Variants in KCTD11 observed in about 807,000 individuals in gnomAD.
The protein encoded by KCTD11 is potassium channel tetramerization domain containing 11, also known as BTB/POZ domain-containing protein KCTD11.
In KCTD11, 8 loss-of-function variants were observed where a neutral mutation model predicts 10.7. The ratio of observed to expected loss-of-function variants is 0.74; its 90% CI spans 0.44 to 1.34. The LOEUF (loss-of-function observed/expected upper bound fraction) is 1.34, where lower values mean the gene tolerates loss of function less well. KCTD11 is among the 40% of genes most tolerant of loss of function. The pLI is 0.01. For synonymous variants in KCTD11, 153 were observed against 160.8 expected, an observed-to-expected ratio of 0.95 and a Z score of 0.37; for missense variants, 346 against 356.1, an observed-to-expected ratio of 0.97 and a Z score of 0.23.
chr17:7,353,601 A>G lies in KCTD11; in HGVS notation c.776A>G (p.Asp259Gly). The G allele has an allele frequency of 2.6e-6, 4 of 1,527,884 alleles. No homozygotes were observed. Among genetic ancestry groups the G allele is most frequent in the Non-Finnish European group, 3.5e-6 (4 of 1,138,344 alleles). 94.6% of individuals were successfully genotyped at this position (1,527,884 alleles called of 1,614,324 possible). A position where few individuals can be genotyped will look rare whatever the true frequency, so the allele number is the denominator to read the frequency against. ...GACTCTGTCTTCCCCGACCCCGAAG[A>G]CCTGCTCAACTCCAGGTCTCTGCGC... Residue 259 changes from aspartate to glycine, a missense_variant, in exon 1 of 1, where the codon GAC becomes GGC. Transcript: ENST00000333751. This position sits in a 1 kb window ranked among gnomAD's most constrained non-coding sequence, Gnocchi z 4.9.
rs576257117 is a variant in KCTD11 at position 7,353,947 on chromosome 17, G to T, written c.*306G>T. On this transcript the variant is annotated 3_prime_UTR_variant, in exon 1 of 1. Transcript: ENST00000333751. This position sits in a 1 kb window ranked among gnomAD's most constrained non-coding sequence, Gnocchi z 4.9. ...CTCAGTGTTTAAGGGCTTGGAAAAGGGGGGAACATCTCTTTACCCAGACTA... is the reference window on the plus strand; with the variant it reads ...CTCAGTGTTTAAGGGCTTGGAAAAGTGGGGAACATCTCTTTACCCAGACTA... 3 of 330,456 alleles carry T rather than the reference G, an allele frequency of 9.1e-6. No homozygotes were observed. The highest frequency in any genetic ancestry group is 5.0e-5 in the East Asian group (1 of 19,812). 20.5% of individuals were successfully genotyped at this position (330,456 alleles called of 1,614,324 possible). A position where few individuals can be genotyped will look rare whatever the true frequency, so the allele number is the denominator to read the frequency against.
rs2073421802 is a variant in KCTD11 at position 7,352,407 on chromosome 17, T to C, written c.-419T>C. The C allele has an allele frequency of 6.2e-6, 1 of 161,664 alleles. No individual in the cohort carries two copies. The highest frequency in any genetic ancestry group is 1.3e-5 in the Non-Finnish European group (1 of 74,804). The allele number at this position is 161,664 out of a possible 1,614,324, so 10.0% of individuals were successfully genotyped here. ...AGGCCTCTGAGTGGCCCCAGAGCCC[T>C]GGCTGGACTCGTCCACGGCGGCAGC... On this transcript the variant is annotated 5_prime_UTR_variant, in exon 1 of 1. Transcript: ENST00000333751. The surrounding 1 kb of genome is among the most constrained non-coding windows in gnomAD (Gnocchi z 4.5).
chr17:7,352,863 T>C lies in KCTD11; in HGVS notation c.38T>C (p.Phe13Ser), dbSNP rs1047652347. Residue 13 changes from phenylalanine to serine, a missense_variant, in exon 1 of 1, where the codon TTT becomes TCT. Coordinates refer to ENST00000333751, the MANE Select transcript of KCTD11 (RefSeq NM_001363642.1). This position sits in a 1 kb window ranked among gnomAD's most constrained non-coding sequence, Gnocchi z 4.5. ...CCTGTGCCCTCTTCGCCCCCCTCCT[T>C]TGGGGGCCCCGTGACCCTGAATGTG... 1.3e-5 allele frequency: 16 copies of C among 1,241,452 alleles called. No individual in the cohort carries two copies. In the Admixed American group the frequency reaches 1.6e-4, roughly 12 times the overall value. 76.9% of individuals were successfully genotyped at this position (1,241,452 alleles called of 1,614,324 possible).
rs1597658724 is a variant in KCTD11, at chr17:7,353,444, G to A, written c.619G>A (p.Glu207Lys). Residue 207 changes from glutamate (E) to lysine (K), a missense_variant, in exon 1 of 1, where the codon GAG becomes AAG. Coordinates refer to ENST00000333751, the MANE Select transcript of KCTD11 (RefSeq NM_001363642.1). The surrounding 1 kb of genome is among the most constrained non-coding windows in gnomAD (Gnocchi z 4.9). ...GGCCCCCCGCCCCGTGGAACTCCCCGAGGTGGAGTATGGGAGACTGGGGCT... is the reference window on the plus strand; with the variant it reads ...GGCCCCCCGCCCCGTGGAACTCCCCAAGGTGGAGTATGGGAGACTGGGGCT... The A allele has an allele frequency of 1.9e-6, 3 of 1,612,408 alleles. No homozygotes were observed. The highest frequency in any genetic ancestry group is 2.5e-6 in the Non-Finnish European group (3 of 1,179,914).
chr17:7,352,345 GCCTCCATCT>G lies in KCTD11; in HGVS notation c.-477_-469del, dbSNP rs759386573. The G allele has an allele frequency of 2.1e-3, 323 of 154,718 alleles. 1 individual carries two copies. The highest frequency in any genetic ancestry group is 2.9e-3 in the Non-Finnish European group (202 of 69,836). 9.6% of individuals were successfully genotyped at this position (154,718 alleles called of 1,614,324 possible). A position where few individuals can be genotyped will look rare whatever the true frequency, so the allele number is the denominator to read the frequency against. On this transcript the variant is annotated 5_prime_UTR_variant, in exon 1 of 1. Transcript: ENST00000333751. This position sits in a 1 kb window ranked among gnomAD's most constrained non-coding sequence, Gnocchi z 4.5. ...TCCGCCATCCGCTCCCGTCAGTTCG[GCCTCCATCT>G]CCTGGGACCCGCGCCGGCAGCCAGG...
At position 7,354,912 on chromosome 17, in the gene KCTD11, GA is replaced by G. The variant is rs1192834562; in HGVS notation, c.*1273del. ...ATTTCTCACTGGTCATGATTTACAAGAAGAAAAATAAAACTGCTTTTGGAAC... is the reference window on the plus strand; with the variant it reads ...ATTTCTCACTGGTCATGATTTACAAGAGAAAAATAAAACTGCTTTTGGAAC... On this transcript the variant is annotated 3_prime_UTR_variant, in exon 1 of 1. Coordinates refer to ENST00000333751, the MANE Select transcript of KCTD11 (RefSeq NM_001363642.1). 2.4e-6 allele frequency: 1 copy of G among 420,700 alleles called. No homozygotes were observed. The highest frequency in any genetic ancestry group is 4.4e-6 in the Non-Finnish European group (1 of 227,246). The allele number at this position is 420,700 out of a possible 1,614,324, so 26.1% of individuals were successfully genotyped here.
At position 7,354,203 on chromosome 17, in the gene KCTD11, G is replaced by C. The variant is rs2073449344; in HGVS notation, c.*562G>C. ...AGGCCACAACCCACCCTAGGTTGAT[G>C]TATGGGAGCTAGGACAGTCCCCATG... On this transcript the variant is annotated 3_prime_UTR_variant, in exon 1 of 1. Coordinates refer to ENST00000333751, the MANE Select transcript of KCTD11 (RefSeq NM_001363642.1). 6.0e-6 allele frequency: 1 copy of C among 167,870 alleles called. No homozygotes were observed. Among genetic ancestry groups the C allele is most frequent in the Non-Finnish European group, 1.5e-5 (1 of 68,732 alleles). 10.4% of individuals were successfully genotyped at this position (167,870 alleles called of 1,614,324 possible). A position where few individuals can be genotyped will look rare whatever the true frequency, so the allele number is the denominator to read the frequency against.
In KCTD11 at chr17:7,353,334, C is replaced by G. The variant is rs1429936861; in HGVS notation, c.509C>G (p.Ser170Cys). The G allele has an allele frequency of 5.6e-6, 9 of 1,614,188 alleles. No homozygotes were observed. The highest frequency in any genetic ancestry group is 7.6e-6 in the Non-Finnish European group (9 of 1,180,042). The change falls in exon 1 of 1, where the codon TCT (serine) becomes TGT (cysteine). Residue 170 changes from serine (S) to cysteine (C), a missense_variant. By Grantham distance (112) the Ser-to-Cys change is moderately radical (BLOSUM62 -1). Transcript: ENST00000333751. The surrounding 1 kb of genome is among the most constrained non-coding windows in gnomAD (Gnocchi z 4.9). ...CGAGCCAACCTTTTCTGCACCGACT[C>G]TGAGTGTCTAGGTGCTTTGCGGGCC...
chr17:7,352,480 C>T lies in KCTD11; in HGVS notation c.-346C>T, dbSNP rs1445784598. The stretch of plus-strand genomic sequence containing the variant: ...CCATCCCTTCAGAGTCGGCCCTGTG[C>T]TCGCCACCGTCACCTGCTGGTTGGA... On this transcript the variant is annotated 5_prime_UTR_variant, in exon 1 of 1. Transcript: ENST00000333751. This position sits in a 1 kb window ranked among gnomAD's most constrained non-coding sequence, Gnocchi z 4.5. The T allele has an allele frequency of 9.3e-6, 2 of 213,996 alleles. No individual in the cohort carries two copies. Among genetic ancestry groups the T allele is most frequent in the Non-Finnish European group, 1.8e-5 (2 of 108,436 alleles). The allele number at this position is 213,996 out of a possible 1,614,324, so 13.3% of individuals were successfully genotyped here. A position where few individuals can be genotyped will look rare whatever the true frequency, so the allele number is the denominator to read the frequency against.
rs1312722822 is a variant in KCTD11 at position 7,353,324 on chromosome 17, T to G, written c.499T>G (p.Cys167Gly). The G allele has an allele frequency of 3.1e-6, 5 of 1,614,046 alleles. No homozygotes were observed. The African/African-American group carries it at 6.7e-5, about 22-fold the overall frequency. ...GGACACCTTCCGAGCCAACCTTTTCTGCACCGACTCTGAGTGTCTAGGTGC... is the reference window on the plus strand; with the variant it reads ...GGACACCTTCCGAGCCAACCTTTTCGGCACCGACTCTGAGTGTCTAGGTGC... Residue 167 changes from cysteine to glycine, a missense_variant, in exon 1 of 1, where the codon TGC (cysteine) becomes GGC (glycine). By Grantham distance (159) the Cys-to-Gly change is radical (BLOSUM62 -3). Transcript: ENST00000333751. This position sits in a 1 kb window ranked among gnomAD's most constrained non-coding sequence, Gnocchi z 4.9.
In KCTD11 at chr17:7,352,350, C is replaced by T. The variant is rs2073421046; in HGVS notation, c.-476C>T. 1 of 154,316 alleles carries T rather than the reference C, an allele frequency of 6.5e-6. No homozygotes were observed. The highest frequency in any genetic ancestry group is 1.4e-5 in the Non-Finnish European group (1 of 69,726). The allele number at this position is 154,316 out of a possible 1,614,324, so 9.6% of individuals were successfully genotyped here. A position where few individuals can be genotyped will look rare whatever the true frequency, so the allele number is the denominator to read the frequency against. On this transcript the variant is annotated 5_prime_UTR_variant, in exon 1 of 1. Transcript: ENST00000333751. This position sits in a 1 kb window ranked among gnomAD's most constrained non-coding sequence, Gnocchi z 4.5. The stretch of plus-strand genomic sequence containing the variant: ...CATCCGCTCCCGTCAGTTCGGCCTC[C>T]ATCTCCTGGGACCCGCGCCGGCAGC...
rs777407528 is a variant in KCTD11, at chr17:7,353,458, G to C, written c.633G>C (p.Gly211=). ...TGGAACTCCCCGAGGTGGAGTATGG[G>C]AGACTGGGGCTGCAGCCGCTGTGGA... Residue 211 remains glycine, a synonymous_variant, in exon 1 of 1, where the codon GGG becomes GGC. Coordinates refer to ENST00000333751, the MANE Select transcript of KCTD11 (RefSeq NM_001363642.1). This position sits in a 1 kb window ranked among gnomAD's most constrained non-coding sequence, Gnocchi z 4.9. 5 of 1,610,662 alleles carry C rather than the reference G, an allele frequency of 3.1e-6. No homozygotes were observed. In the Admixed American group the frequency reaches 8.3e-5, roughly 27 times the overall value.
At position 7,353,103 on chromosome 17, in the gene KCTD11, C is replaced by G. The variant is rs771352698; in HGVS notation, c.278C>G (p.Thr93Arg). The change falls in exon 1 of 1, where the codon ACA becomes AGA. Residue 93 changes from threonine to arginine, a missense_variant. Coordinates refer to ENST00000333751, the MANE Select transcript of KCTD11 (RefSeq NM_001363642.1). The surrounding 1 kb of genome is among the most constrained non-coding windows in gnomAD (Gnocchi z 4.9). ...GACCTGCCCCGTGGGTACGGAGAGA[C>G]AGCGCTGCTCAGGGCAGAGGCTGAC... is the stretch of plus-strand genomic sequence containing the variant. 6.2e-7 allele frequency: 1 copy of G among 1,613,328 alleles called. No individual in the cohort carries two copies. The highest frequency in any genetic ancestry group is 8.5e-7 in the Non-Finnish European group (1 of 1,179,730).
chr17:7,353,754 C>A lies in KCTD11; in HGVS notation c.*113C>A. On this transcript the variant is annotated 3_prime_UTR_variant, in exon 1 of 1. Transcript: ENST00000333751. The surrounding 1 kb of genome is among the most constrained non-coding windows in gnomAD (Gnocchi z 4.9). ...TATGAGAGTCGGGACTCTCCTGCACCTGACTGGAGCTCAGATGTGGGCAGG... is the reference window on the plus strand; with the variant it reads ...TATGAGAGTCGGGACTCTCCTGCACATGACTGGAGCTCAGATGTGGGCAGG... 9.8e-7 allele frequency: 1 copy of A among 1,023,956 alleles called. No individual in the cohort carries two copies. The highest frequency in any genetic ancestry group is 1.4e-6 in the Non-Finnish European group (1 of 720,374). The allele number at this position is 1,023,956 out of a possible 1,614,324, so 63.4% of individuals were successfully genotyped here. A position where few individuals can be genotyped will look rare whatever the true frequency, so the allele number is the denominator to read the frequency against.
chr17:7,354,322 T>C lies in KCTD11; in HGVS notation c.*681T>C, dbSNP rs908400222. 8 of 167,192 alleles carry C rather than the reference T, an allele frequency of 4.8e-5. No homozygotes were observed. Among genetic ancestry groups the C allele is most frequent in the African/African-American group, 1.7e-4 (7 of 41,438 alleles). The allele number at this position is 167,192 out of a possible 1,614,324, so 10.4% of individuals were successfully genotyped here. A position where few individuals can be genotyped will look rare whatever the true frequency, so the allele number is the denominator to read the frequency against. On this transcript the variant is annotated 3_prime_UTR_variant, in exon 1 of 1. Transcript: ENST00000333751. Reference sequence around the variant, plus strand: ...AGGGTAGTATCTGTGGGTCCTGGCCTTTCTTCATGTGTGCGTGCATATCAG... The same window carrying C: ...AGGGTAGTATCTGTGGGTCCTGGCCCTTCTTCATGTGTGCGTGCATATCAG...
At position 7,353,517 on chromosome 17, in the gene KCTD11, G is replaced by A; in HGVS notation, c.692G>A (p.Gly231Asp). 3.2e-6 allele frequency: 5 copies of A among 1,586,200 alleles called. No individual in the cohort carries two copies. Among genetic ancestry groups the A allele is most frequent in the Admixed American group, 1.7e-5 (1 of 58,204 alleles). The change falls in exon 1 of 1, where the codon GGC (glycine) becomes GAC (aspartate). Residue 231 changes from glycine (G) to aspartate (D), a missense_variant. By Grantham distance (94) the Gly-to-Asp change is moderately conservative. Coordinates refer to ENST00000333751, the MANE Select transcript of KCTD11 (RefSeq NM_001363642.1). This position sits in a 1 kb window ranked among gnomAD's most constrained non-coding sequence, Gnocchi z 4.9. Reference sequence around the variant, plus strand: ...CCAGGAGAGCGGCGGGAGGTGGTGGGCACCCCAAGCTTCCTGGAGGAGGTG... The same window carrying A: ...CCAGGAGAGCGGCGGGAGGTGGTGGACACCCCAAGCTTCCTGGAGGAGGTG...
Position 7,353,212 on chromosome 17 carries a change from C to T in KCTD11, c.387C>T (p.Leu129=). Residue 129 remains leucine (L), a synonymous_variant, in exon 1 of 1, where the codon CTC becomes CTT. Transcript: ENST00000333751. The surrounding 1 kb of genome is among the most constrained non-coding windows in gnomAD (Gnocchi z 4.9). Reference sequence around the variant, plus strand: ...CCCCTGCACCCACAGCTGCCCTGCTCCACGCAGATGTAGATGTCAGCCCCC... The same window carrying T: ...CCCCTGCACCCACAGCTGCCCTGCTTCACGCAGATGTAGATGTCAGCCCCC... 3 of 1,613,572 alleles carry T rather than the reference C, an allele frequency of 1.9e-6. No individual in the cohort carries two copies. Among genetic ancestry groups the T allele is most frequent in the Non-Finnish European group, 2.5e-6 (3 of 1,180,038 alleles).
rs771992131 is a variant in KCTD11, at chr17:7,353,587, C to G, written c.762C>G (p.Phe254Leu). Residue 254 changes from phenylalanine (F) to leucine (L), a missense_variant, in exon 1 of 1, where the codon TTC (phenylalanine) becomes TTG (leucine). Physicochemically the swap from Phe to Leu is conservative, Grantham distance 22 (BLOSUM62 0). Transcript: ENST00000333751. The surrounding 1 kb of genome is among the most constrained non-coding windows in gnomAD (Gnocchi z 4.9). ...ACGGCTTCCGACTAGACTCTGTCTT[C>G]CCCGACCCCGAAGACCTGCTCAACT... is the stretch of plus-strand genomic sequence containing the variant. 1 of 1,533,422 alleles carries G rather than the reference C, an allele frequency of 6.5e-7. No homozygotes were observed. The highest frequency in any genetic ancestry group is 8.8e-7 in the Non-Finnish European group (1 of 1,140,308). The allele number at this position is 1,533,422 out of a possible 1,614,324, so 95.0% of individuals were successfully genotyped here. A position where few individuals can be genotyped will look rare whatever the true frequency, so the allele number is the denominator to read the frequency against.
At position 7,353,300 on chromosome 17, in the gene KCTD11, G is replaced by A. The variant is rs1198143144; in HGVS notation, c.475G>A (p.Asp159Asn). ...CTATGAGCTGAGCTCCGTCCAGGTG[G>A]ACACCTTCCGAGCCAACCTTTTCTG... Residue 159 changes from aspartate to asparagine, a missense_variant, in exon 1 of 1, where the codon GAC (aspartate) becomes AAC (asparagine). Transcript: ENST00000333751. This position sits in a 1 kb window ranked among gnomAD's most constrained non-coding sequence, Gnocchi z 4.9. The A allele has an allele frequency of 5.6e-6, 9 of 1,614,104 alleles. No individual in the cohort carries two copies. The highest frequency in any genetic ancestry group is 7.6e-6 in the Non-Finnish European group (9 of 1,180,046).
Sources: gnomAD v4.1 joint callset for allele counts on GRCh38, gnomAD v4.1.1 for gene constraint, Gnocchi (gnomAD v3.1) non-coding constraint, MANE v1.5 for transcripts, NCBI Gene and HGNC (gene_info 2026-07-23, HGNC 2026-07-21) for gene names.